RIPOR2: variants seen among roughly 807,000 people sequenced by gnomAD.
RIPOR2 encodes the protein RHO family interacting cell polarization regulator 2, also known as rho family-interacting cell polarization regulator 2.
In RIPOR2, 39 loss-of-function variants were observed where a neutral mutation model predicts 114.5. The observed-to-expected ratio is 0.34, with a 90% CI of 0.26 to 0.44. RIPOR2 has a LOEUF of 0.44. Among genes scored for constraint, RIPOR2 ranks in the 20% least tolerant of loss-of-function variants. The probability of loss-of-function intolerance (pLI) is 1.00; values close to 1 mark genes in which losing one functional copy is unlikely to be tolerated. For missense variants in RIPOR2, 1,007 were observed against 1,255.1 expected, an observed-to-expected ratio of 0.80 and a Z score of 2.99; for synonymous variants, 445 against 484.4, an observed-to-expected ratio of 0.92 and a Z score of 1.07.
chr6:24,961,146 T>TA (rs992852455), intron 1 of RIPOR2, among the ~76,000 whole-genome samples: 11 of 152,012 alleles, frequency 7.2e-5, no homozygotes, highest in African/African-American at 2.2e-4. Context: ...ACAAGCCACA[T>TA]AAAAAAGACA....
intron 21 of RIPOR2, among the ~76,000 whole-genome samples, chr6:24,809,263 C>A (rs937252600): frequency 1.2e-4 from 18 of 152,170 alleles, no homozygotes; most frequent in African/African-American, 4.3e-4. Context: ...GGCCACAGGG[C>A]AGTCAGAGGT....
chr6:25,022,433 T>C (rs1776364050), intron 1 of RIPOR2, among the ~76,000 whole-genome samples: 1 of 151,966 alleles, frequency 6.6e-6, no homozygotes, highest in Admixed American at 6.6e-5. Flanking sequence ...TCATATCTCA[T>C]TGTATGGATA....
chr6:24,947,013 C>G (rs1772451431), intron 1 of RIPOR2, among the ~76,000 whole-genome samples: 1 of 151,570 alleles, frequency 6.6e-6, no homozygotes, highest in Non-Finnish European at 1.5e-5. Flanking sequence ...GACTATGTGA[C>G]AGAAAGAAAG....
In RIPOR2 at chr6:24,805,582, C is replaced by A. The variant is rs77830675; in HGVS notation, c.*791G>T. Reference sequence around the variant, plus strand: ...GGGTCATTTTGCCAGGTTCTGCAGGCAAACTTTTATTTGAAGATATTCTTT... The same window carrying A: ...GGGTCATTTTGCCAGGTTCTGCAGGAAAACTTTTATTTGAAGATATTCTTT... On this transcript the variant is annotated 3_prime_UTR_variant, in exon 22 of 22. Coordinates refer to ENST00000643898, the MANE Select transcript of RIPOR2 (RefSeq NM_001286445.3). 7.9e-6 allele frequency: 1 copy of A among 126,336 alleles called. No homozygotes were observed. Among genetic ancestry groups the A allele is most frequent in the Non-Finnish European group, 1.9e-5 (1 of 53,612 alleles). The allele number at this position is 126,336 out of a possible 1,614,324, so 7.8% of individuals were successfully genotyped here.
intron 1 of RIPOR2, among the ~76,000 whole-genome samples, chr6:24,882,710 T>A (rs1442592797): frequency 6.6e-6 from 1 of 152,246 alleles, no homozygotes; most frequent in Admixed American, 6.5e-5. Context: ...CCTTCTCATA[T>A]AAAGCATAAT....
intron 1 of RIPOR2, among the ~76,000 whole-genome samples, chr6:24,920,261 C>A (rs1165063657): frequency 6.6e-6 from 1 of 152,202 alleles, no homozygotes; most frequent in Non-Finnish European, 1.5e-5. Context: ...AGCTGAAATT[C>A]TATGAATGTA....
intron 1 of RIPOR2, among the ~76,000 whole-genome samples, chr6:24,959,512 T>A (rs1359930499): frequency 6.6e-6 from 1 of 152,156 alleles, no homozygotes; most frequent in East Asian, 1.9e-4. Context: ...TCACTTCTGG[T>A]TAACCACGGA....
At chr6:25,004,290 A>T (rs1408900100) in intron 1 of RIPOR2, among the ~76,000 whole-genome samples, 1 of 152,250 alleles carries the variant, frequency 6.6e-6, no homozygotes, top group South Asian at 2.1e-4. Context: ...AACAAGGCAC[A>T]GACAGGCTTT....
intron 1 of RIPOR2, among the ~76,000 whole-genome samples, chr6:24,923,702 A>C (rs430661): frequency 0.71 from 107,427 of 151,702 alleles, 38,384 homozygotes; most frequent in African/African-American, 0.79. Flanking sequence ...AAATATTAGC[A>C]GGGGACGTGA....
intron 1 of RIPOR2, among the ~76,000 whole-genome samples, chr6:24,906,279 T>C (rs1448951968): frequency 6.6e-6 from 1 of 152,174 alleles, no homozygotes; most frequent in Non-Finnish European, 1.5e-5. Context: ...CCCAAGGATA[T>C]AGGAACAAGC....
chr6:25,019,330 G>A (rs1488658402), intron 1 of RIPOR2, among the ~76,000 whole-genome samples: 1 of 152,144 alleles, frequency 6.6e-6, no homozygotes, highest in Non-Finnish European at 1.5e-5. Context: ...CAAGGAAGGC[G>A]ATTTAGCAAT....
In RIPOR2 at chr6:24,878,782, GA is replaced by G. The variant is rs531756544; in HGVS notation, c.62-2966del. ...CAATCAGTTGCACTAGTGATAGGCA[GA>G]AAAAAAAAGAAAAGATACCAAGTTC... On this transcript the variant is annotated intron_variant, in intron 1 of 21. Transcript: ENST00000643898. Among the ~76,000 whole-genome samples the G allele has an allele frequency of 1.4e-3, 205 of 150,184 alleles. 1 individual carries two copies. Among genetic ancestry groups the G allele is most frequent in the African/African-American group, 4.6e-3 (190 of 40,978 alleles).
intron 1 of RIPOR2, among the ~76,000 whole-genome samples, chr6:24,888,883 A>G (rs1338880795): frequency 2.0e-5 from 3 of 152,196 alleles, no homozygotes; most frequent in Non-Finnish European, 2.9e-5. Context: ...ACATTACTCA[A>G]ATATGGTAAT....
chr6:24,872,238 T>C (rs1765249509), intron 4 of RIPOR2, among the ~76,000 whole-genome samples: 1 of 152,230 alleles, frequency 6.6e-6, no homozygotes. Context: ...CAACATAATA[T>C]GTACTTGATC....
chr6:24,818,732 A>G (rs1759403391), intron 19 of RIPOR2, 107 bp from the exon 20 acceptor site: 1 of 521,488 alleles, frequency 1.9e-6, no homozygotes, highest in East Asian at 3.1e-5. Flanking sequence ...TAACCTACAC[A>G]TTTTGCACTA....
At chr6:24,960,795 G>T (rs1262711230) in intron 1 of RIPOR2, among the ~76,000 whole-genome samples, 1 of 152,104 alleles carries the variant, frequency 6.6e-6, no homozygotes, top group African/African-American at 2.4e-5. Context: ...CTCCCAAAGT[G>T]CTAGATTTAC....
intron 1 of RIPOR2, among the ~76,000 whole-genome samples, chr6:25,005,738 T>TATATATATACATATATATATATAC (rs34572978): frequency 1.4e-5 from 1 of 70,700 alleles, no homozygotes; most frequent in Non-Finnish European, 3.3e-5. Flanking sequence ...TATATATATA[T>TATATATATACATATATATATATAC]ATACATTTAC....
intron 11 of RIPOR2, 26 bp from the exon 12 acceptor site, chr6:24,848,180 T>G (rs771578848): frequency 6.2e-7 from 1 of 1,610,972 alleles, no homozygotes; most frequent in Non-Finnish European, 8.5e-7. Context: ...TCCCCAGGTA[T>G]GCACATTTGG....
At chr6:24,835,894 T>C (rs774133110) in intron 14 of RIPOR2, 23 bp from the exon 15 acceptor site, 1 of 1,550,026 alleles carries the variant, frequency 6.5e-7, no homozygotes, top group South Asian at 1.2e-5. Context: ...GGCAAAACAT[T>C]AGCTATTCTT....
Sources: gnomAD v4.1 joint callset for allele counts (sites outside exome capture counted in the v4.1 genomes callset) on GRCh38, gnomAD v4.1.1 for gene constraint, MANE v1.5 for transcripts, NCBI Gene and HGNC (gene_info 2026-07-23, HGNC 2026-07-21) for gene names.